Variants in AOPEP observed in about 807,000 individuals in gnomAD.
The protein encoded by AOPEP is aminopeptidase O.
In AOPEP, 77 loss-of-function variants were observed where a neutral mutation model predicts 98.1. The ratio of observed to expected loss-of-function variants is 0.78; its 90% CI spans 0.65 to 0.95. The LOEUF (loss-of-function observed/expected upper bound fraction) is 0.95. AOPEP is among the 40% of genes least tolerant of loss of function. The pLI is 0.00. For missense variants in AOPEP, 1,024 were observed against 1,024.7 expected, an observed-to-expected ratio of 1.00 and a Z score of 0.01; for synonymous variants, 346 against 365.3, an observed-to-expected ratio of 0.95 and a Z score of 0.60.
intron 13 of AOPEP, among the ~76,000 whole-genome samples, chr9:95,023,435 C>T (rs1227861025): frequency 1.3e-5 from 2 of 152,212 alleles, no homozygotes; most frequent in Non-Finnish European, 2.9e-5. Flanking sequence ...GCCTCCCAGG[C>T]AGACCCAGGA....
At chr9:95,145,240 A>G in the AOPEP span, 1 of 152,240 alleles carries the variant, frequency 6.6e-6, no homozygotes, top group Non-Finnish European at 1.5e-5. Context: ...AACACAATGA[A>G]AATCTATTTG....
At chr9:94,936,459 G>A (rs2056292510) in intron 7 of AOPEP, among the ~76,000 whole-genome samples, 1 of 152,162 alleles carries the variant, frequency 6.6e-6, no homozygotes. Context: ...TCAAGATGTT[G>A]ACAGATTTGG....
chr9:95,087,845 T>C (rs35322368), downstream of AOPEP, among the ~76,000 whole-genome samples: 7,524 of 152,234 alleles, frequency 0.049, 268 homozygotes, highest in Admixed American at 0.083. Context: ...CTGTGCCAAG[T>C]TGGGCTGAGC....
At chr9:95,063,888 G>A (rs1470149787) in intron 14 of AOPEP, among the ~76,000 whole-genome samples, 1 of 149,374 alleles carries the variant, frequency 6.7e-6, no homozygotes, top group Non-Finnish European at 1.5e-5. Context: ...CCTGCTGACT[G>A]ACTACAGCTA....
At chr9:94,912,665 A>G (rs903969420) in intron 5 of AOPEP, among the ~76,000 whole-genome samples, 1 of 152,266 alleles carries the variant, frequency 6.6e-6, no homozygotes, top group East Asian at 1.9e-4. Context: ...CAGAGACTAA[A>G]GAGTAGGAAT....
At position 94,988,206 on chromosome 9, in the gene AOPEP, C is replaced by A. The variant is rs574131652; in HGVS notation, c.1977+8779C>A. ...AGGACATGCAGTGGGCTGAGGAACG[C>A]CTATATCCATGGGAATGAGTAGGAA... On this transcript the variant is annotated intron_variant, in intron 11 of 16. Transcript: ENST00000375315. Among the ~76,000 whole-genome samples, 73 of 152,230 alleles carry A rather than the reference C, an allele frequency of 4.8e-4. No individual in the cohort carries two copies. The South Asian group carries it at 0.013, about 26-fold the overall frequency.
At chr9:94,920,079 G>C (rs2053398224) in intron 5 of AOPEP, 1 of 152,100 alleles carries the variant, frequency 6.6e-6, no homozygotes, top group South Asian at 2.1e-4. Flanking sequence ...CCTGAGGTTG[G>C]GAGTTTGAGA....
chr9:95,148,767 T>C, the AOPEP span, among the ~76,000 whole-genome samples: 104 of 152,222 alleles, frequency 6.8e-4, no homozygotes, highest in Non-Finnish European at 3.1e-4. Flanking sequence ...GACCAATGGG[T>C]TTCTAATGTA....
chr9:94,903,070 C>G (rs547381399), intron 5 of AOPEP, among the ~76,000 whole-genome samples: 1 of 151,398 alleles, frequency 6.6e-6, no homozygotes, highest in African/African-American at 2.4e-5. Context: ...AACCTCTGCC[C>G]CCCGGGTTCA....
intron 1 of AOPEP, among the ~76,000 whole-genome samples, chr9:94,758,128 G>T (rs1837470304): frequency 6.6e-6 from 1 of 152,224 alleles, no homozygotes; most frequent in South Asian, 2.1e-4. Flanking sequence ...GGAGGTGGTT[G>T]CACTTAAACT....
rs115727289 is a variant in AOPEP, at chr9:94,765,731, A to G, written c.797+5151A>G. On this transcript the variant is annotated intron_variant, in intron 2 of 16. Transcript: ENST00000375315. ...GAGAAGAAAACATATTTGAAGCTGT[A>G]AAGGAGTATTTATTATGAATGATTA... Among the ~76,000 whole-genome samples the G allele has an allele frequency of 2.5e-3, 381 of 152,266 alleles. 2 individuals carry two copies. Among genetic ancestry groups the G allele is most frequent in the African/African-American group, 8.8e-3 (365 of 41,584 alleles).
chr9:94,823,325 A>G (rs916811492), intron 5 of AOPEP, among the ~76,000 whole-genome samples: 1 of 152,216 alleles, frequency 6.6e-6, no homozygotes, highest in Non-Finnish European at 1.5e-5. Context: ...TGTACTGGGC[A>G]GTTGACTCGC....
intron 5 of AOPEP, among the ~76,000 whole-genome samples, chr9:94,908,228 A>G (rs891962431): frequency 2.0e-5 from 3 of 152,066 alleles, no homozygotes; most frequent in Non-Finnish European, 4.4e-5. Flanking sequence ...TTAAAAACAC[A>G]CCTTGGTGTG....
intron 5 of AOPEP, among the ~76,000 whole-genome samples, chr9:94,846,899 A>C (rs946406701): frequency 6.6e-6 from 1 of 152,062 alleles, no homozygotes; most frequent in African/African-American, 2.4e-5. Flanking sequence ...TGACAGAGCA[A>C]GACTCTGTCT....
intron 5 of AOPEP, among the ~76,000 whole-genome samples, chr9:94,872,404 C>A (rs567341218): frequency 3.3e-4 from 50 of 152,172 alleles, no homozygotes; most frequent in African/African-American, 1.2e-3. Context: ...CAAAAATGGG[C>A]CCAAACCCGG....
intron 5 of AOPEP, among the ~76,000 whole-genome samples, chr9:94,907,180 G>A (rs1252414028): frequency 6.6e-6 from 1 of 152,184 alleles, no homozygotes. Context: ...AATTTCCTAA[G>A]GAAAGTACAG....
chr9:94,799,974 G>A (rs1326287691), intron 4 of AOPEP, among the ~76,000 whole-genome samples: 1 of 152,220 alleles, frequency 6.6e-6, no homozygotes, highest in Admixed American at 6.5e-5. Context: ...GTAGGTTTGA[G>A]TAGATAAGTT....
the AOPEP span, among the ~76,000 whole-genome samples, chr9:95,108,548 A>G: frequency 6.6e-6 from 1 of 152,230 alleles, no homozygotes; most frequent in African/African-American, 2.4e-5. Flanking sequence ...GAGGCCGTCC[A>G]TGCTCATGGG....
chr9:94,876,916 CT>C lies in AOPEP; in HGVS notation c.1365-47069del, dbSNP rs1328726719. Among the ~76,000 whole-genome samples, 4 of 152,268 alleles carry C rather than the reference CT, an allele frequency of 2.6e-5. No individual in the cohort carries two copies. The East Asian group carries it at 5.8e-4, about 22-fold the overall frequency. ...GAGGGACATCTACCCATCTGAACCC[CT>C]GGGAGGTCTGACTGTCTACAAAATC... On this transcript the variant is annotated intron_variant, in intron 5 of 16. Coordinates refer to ENST00000375315, the MANE Select transcript of AOPEP (RefSeq NM_001193329.3).
Sources: allele counts gnomAD v4.1 joint callset (sites outside exome capture counted in the v4.1 genomes callset), GRCh38; gene constraint gnomAD v4.1.1; transcripts MANE v1.5; gene names NCBI Gene and HGNC (gene_info 2026-07-23, HGNC 2026-07-21).